Variants in STAU2 observed in about 807,000 individuals in gnomAD.
The protein encoded by STAU2 is double-stranded RNA-binding protein Staufen homolog 2.
In STAU2, 20 loss-of-function variants were observed where a neutral mutation model predicts 65.9. The ratio of observed to expected loss-of-function variants is 0.30; its 90% confidence interval spans 0.21 to 0.44. STAU2 has a LOEUF of 0.44. Ranked by LOEUF, STAU2 falls within the 20% of genes least tolerant of loss-of-function variation. The pLI is 1.00. For missense variants in STAU2, 558 were observed against 683.9 expected, an observed-to-expected ratio of 0.82 and a Z score of 2.05; for synonymous variants, 232 against 233.9, an observed-to-expected ratio of 0.99 and a Z score of 0.07.
At chr8:73,665,105 G>A (rs1817134663) in intron 6 of STAU2, among the ~76,000 whole-genome samples, 1 of 152,030 alleles carries the variant, frequency 6.6e-6, no homozygotes, top group South Asian at 2.1e-4. Flanking sequence ...TGGTTTATGA[G>A]AGTTTTAAAA....
At chr8:73,505,108 A>C (rs1332155865) in intron 13 of STAU2, among the ~76,000 whole-genome samples, 1 of 152,138 alleles carries the variant, frequency 6.6e-6, no homozygotes, top group African/African-American at 2.4e-5. Flanking sequence ...TCTCTGGAAG[A>C]CATTTAATAT....
intron 3 of STAU2, among the ~76,000 whole-genome samples, chr8:73,714,895 A>C (rs1821134440): frequency 6.6e-6 from 1 of 152,160 alleles, no homozygotes; most frequent in Non-Finnish European, 1.5e-5. Context: ...CAGCCTGGCC[A>C]ACATGGTGAA....
intron 6 of STAU2, among the ~76,000 whole-genome samples, chr8:73,671,397 C>A (rs78215444): frequency 0.21 from 31,007 of 149,310 alleles, 3,546 homozygotes; most frequent in East Asian, 0.37. Context: ...AACAAACAAA[C>A]AAAAAAAAAC....
At chr8:73,479,712 C>A (rs77050996) in intron 13 of STAU2, among the ~76,000 whole-genome samples, 13 of 143,806 alleles carry the variant, frequency 9.0e-5, no homozygotes, top group Non-Finnish European at 1.5e-4. Context: ...CTTAAATATA[C>A]GTGTGTGTGT....
intron 3 of STAU2, among the ~76,000 whole-genome samples, chr8:73,716,423 C>T (rs146171099): frequency 2.3e-3 from 349 of 152,258 alleles, no homozygotes; most frequent in African/African-American, 7.3e-3. Context: ...ACAGTGCCAC[C>T]ATGGTCCTGA....
intron 3 of STAU2, among the ~76,000 whole-genome samples, chr8:73,730,830 T>G (rs1281679934): frequency 6.6e-6 from 1 of 152,172 alleles, no homozygotes; most frequent in Non-Finnish European, 1.5e-5. Flanking sequence ...AATACTGTTG[T>G]TGAGGTCCTC....
intron 13 of STAU2, among the ~76,000 whole-genome samples, chr8:73,491,891 G>A (rs1481471133): frequency 6.6e-6 from 1 of 151,922 alleles, no homozygotes; most frequent in Non-Finnish European, 1.5e-5. Flanking sequence ...TAAATGAGAA[G>A]TAGTCTTCTT....
chr8:73,746,678 G>C (rs891486661), intron 1 of STAU2, 105 bp downstream of exon 1: 4 of 670,720 alleles, frequency 6.0e-6, no homozygotes, highest in South Asian at 7.3e-5. Flanking sequence ...CTTTTCTCCG[G>C]GTTCCCCGTG....
intron 13 of STAU2, among the ~76,000 whole-genome samples, chr8:73,482,269 C>T (rs1352959651): frequency 6.6e-6 from 1 of 151,894 alleles, no homozygotes; most frequent in East Asian, 1.9e-4. Context: ...AGAATTCCCA[C>T]CGGGGCCACC....
At chr8:73,606,391 T>C (rs754209650) in intron 9 of STAU2, among the ~76,000 whole-genome samples, 1 of 151,196 alleles carries the variant, frequency 6.6e-6, no homozygotes, top group Non-Finnish European at 1.5e-5. Flanking sequence ...ATAATAAATT[T>C]ATTATTATTT....
intron 11 of STAU2, among the ~76,000 whole-genome samples, chr8:73,591,268 G>C (rs1245380036): frequency 6.6e-6 from 1 of 151,624 alleles, no homozygotes; most frequent in African/African-American, 2.4e-5. Context: ...ACTTAGAGAA[G>C]TAACCTATGT....
chr8:73,646,938 G>GACACAC (rs142043134), intron 6 of STAU2, among the ~76,000 whole-genome samples: 9,024 of 143,986 alleles, frequency 0.063, 342 homozygotes, highest in Middle Eastern at 0.16. Context: ...CACACAGCCA[G>GACACAC]ACACACACAC....
chr8:73,503,581 T>A (rs1368315238), intron 13 of STAU2, among the ~76,000 whole-genome samples: 1 of 151,714 alleles, frequency 6.6e-6, no homozygotes, highest in East Asian at 1.9e-4. Context: ...TTTTGGCACA[T>A]AGGGATACTA....
At chr8:73,742,575 A>G (rs1278142239) in intron 1 of STAU2, among the ~76,000 whole-genome samples, 1 of 151,858 alleles carries the variant, frequency 6.6e-6, no homozygotes, top group Non-Finnish European at 1.5e-5. Flanking sequence ...CTCTATCACA[A>G]AAGTTTCCAG....
At chr8:73,646,061 C>T (rs182343904) in intron 6 of STAU2, among the ~76,000 whole-genome samples, 1 of 152,000 alleles carries the variant, frequency 6.6e-6, no homozygotes, top group East Asian at 1.9e-4. Context: ...TAAAAATGTC[C>T]CTATTTAAAG....
chr8:73,424,784 G>A (rs899883884), intron 13 of STAU2, among the ~76,000 whole-genome samples: 6 of 151,594 alleles, frequency 4.0e-5, no homozygotes, highest in African/African-American at 1.2e-4. Context: ...GTCGGCATGC[G>A]TCCTTTCTTT....
intron 5 of STAU2, among the ~76,000 whole-genome samples, chr8:73,678,102 C>A (rs761378561): frequency 2.1e-4 from 32 of 152,288 alleles, no homozygotes; most frequent in African/African-American, 7.2e-4. Context: ...ACTCAATGCA[C>A]GTGAGTCTCT....
chr8:73,627,786 A>G (rs1322636895), intron 6 of STAU2, among the ~76,000 whole-genome samples: 1 of 151,376 alleles, frequency 6.6e-6, no homozygotes, highest in Non-Finnish European at 1.5e-5. Context: ...GACAGTGTGG[A>G]CAGAGGAAAA....
intron 13 of STAU2, among the ~76,000 whole-genome samples, chr8:73,460,665 C>T (rs1237271554): frequency 6.6e-6 from 1 of 152,178 alleles, no homozygotes; most frequent in African/African-American, 2.4e-5. Flanking sequence ...TCTCTAGTTG[C>T]TTTGGAGGTC....
Sources: allele counts gnomAD v4.1 joint callset (sites outside exome capture counted in the v4.1 genomes callset), GRCh38; gene constraint gnomAD v4.1.1; transcripts MANE v1.5; gene names NCBI Gene and HGNC (gene_info 2026-07-23, HGNC 2026-07-21).